Variants in ARMH3 observed in about 807,000 individuals in gnomAD.
The protein encoded by ARMH3 is armadillo like helical domain containing 3, also known as armadillo-like helical domain-containing protein 3.
ARMH3 carries 60 observed loss-of-function variants against 99.1 expected under a neutral mutation model. The ratio of observed to expected loss-of-function variants is 0.61; its 90% confidence interval spans 0.49 to 0.75. The LOEUF is 0.75. Among genes scored for constraint, ARMH3 ranks in the 30% least tolerant of loss-of-function variants. The probability of loss-of-function intolerance (pLI) is 0.00; values close to 1 mark genes in which losing one functional copy is unlikely to be tolerated. For missense variants in ARMH3, 679 were observed against 843.1 expected (o/e 0.81, Z 2.41); for synonymous variants, 285 against 292.8 (o/e 0.97, Z 0.27).
intron 8 of ARMH3, 99 bp downstream of exon 8, chr10:102,023,378 A>G: frequency 9.4e-7 from 1 of 1,067,506 alleles, no homozygotes; most frequent in Non-Finnish European, 1.4e-6. Context: ...TATACCATTT[A>G]CCAAGAACGT....
chr10:101,944,273 T>TATATATATATAGAGAGAG (rs1844401380), intron 22 of ARMH3, among the ~76,000 whole-genome samples: 1 of 25,408 alleles, frequency 3.9e-5, no homozygotes, highest in African/African-American at 1.8e-4. Context: ...TATATATATA[T>TATATATATATAGAGAGAG]AGAGAGAGAG....
At chr10:102,014,309 G>A (rs918943128) in intron 8 of ARMH3, among the ~76,000 whole-genome samples, 9 of 152,068 alleles carry the variant, frequency 5.9e-5, no homozygotes, top group African/African-American at 1.9e-4. Context: ...TCACTTCTAC[G>A]ATCTTTCCCT....
intron 2 of ARMH3, among the ~76,000 whole-genome samples, chr10:102,039,537 T>A (rs977613562): frequency 6.6e-6 from 1 of 152,140 alleles, no homozygotes; most frequent in Non-Finnish European, 1.5e-5. Context: ...TCCTCAGTTA[T>A]CCCCTATAGT....
chr10:101,878,641 G>GA (rs917765235), intron 24 of ARMH3, among the ~76,000 whole-genome samples: 37 of 140,850 alleles, frequency 2.6e-4, no homozygotes, highest in Middle Eastern at 3.7e-3. Flanking sequence ...TGCATCTCAA[G>GA]AAAAAAAAAC....
intron 24 of ARMH3, among the ~76,000 whole-genome samples, chr10:101,865,869 C>T (rs552571070): frequency 7.2e-5 from 11 of 152,144 alleles, no homozygotes; most frequent in South Asian, 2.1e-4. Flanking sequence ...TGCCCTGTGA[C>T]GCTAATCATC....
intron 24 of ARMH3, among the ~76,000 whole-genome samples, chr10:101,865,296 TAG>T (rs576470400): frequency 5.3e-4 from 80 of 151,560 alleles, no homozygotes; most frequent in African/African-American, 1.6e-3. Context: ...AAGATATACA[TAG>T]AGAGTATTTT....
chr10:101,887,970 G>A (rs1240795732), intron 24 of ARMH3, among the ~76,000 whole-genome samples: 2 of 151,648 alleles, frequency 1.3e-5, no homozygotes, highest in Non-Finnish European at 2.9e-5. Context: ...ATTGGTCTGT[G>A]GCAGCTACTG....
At chr10:101,909,328 G>A (rs1233744255) in intron 23 of ARMH3, among the ~76,000 whole-genome samples, 2 of 151,354 alleles carry the variant, frequency 1.3e-5, no homozygotes, top group African/African-American at 4.9e-5. Context: ...GACTGCTTGA[G>A]CCTGGGAGGC....
intron 8 of ARMH3, among the ~76,000 whole-genome samples, chr10:102,022,277 A>G (rs2066902106): frequency 6.6e-6 from 1 of 151,890 alleles, no homozygotes; most frequent in South Asian, 2.1e-4. Context: ...GTGGTTCTCA[A>G]TCCTGGGCTA....
rs144136172 is a variant in ARMH3 at position 101,864,155 on chromosome 10, T to C, written c.1861-14263A>G. Among the ~76,000 whole-genome samples the C allele has an allele frequency of 4.7e-4, 70 of 149,204 alleles. 2 individuals are homozygous for C. In the East Asian group the frequency reaches 0.012, roughly 25 times the overall value. On this transcript the variant is annotated intron_variant, in intron 24 of 25. Coordinates refer to ENST00000370033, the MANE Select transcript of ARMH3 (RefSeq NM_024541.3). ...AAGACACATGAAAAAATGCTCATCA[T>C]CAGTGGCCATCAGAGAAATGCAAAT...
chr10:101,922,169 A>T (rs962112392), intron 23 of ARMH3, among the ~76,000 whole-genome samples: 2 of 152,234 alleles, frequency 1.3e-5, no homozygotes, highest in South Asian at 2.1e-4. Flanking sequence ...TAAGATTTTT[A>T]AATTTTACCA....
intron 8 of ARMH3, among the ~76,000 whole-genome samples, chr10:102,022,917 G>A (rs1179517127): frequency 2.6e-5 from 4 of 151,424 alleles, no homozygotes; most frequent in Non-Finnish European, 4.4e-5. Context: ...GGCCAGGTGC[G>A]GTGGCTCATG....
intron 13 of ARMH3, among the ~76,000 whole-genome samples, chr10:102,007,173 A>G (rs912981018): frequency 6.7e-5 from 10 of 149,640 alleles, no homozygotes; most frequent in African/African-American, 2.2e-4. Context: ...AAAAAAAAAA[A>G]AAAAAGAAAA....
At chr10:102,047,005 G>A (rs2067570680) in intron 1 of ARMH3, among the ~76,000 whole-genome samples, 1 of 152,204 alleles carries the variant, frequency 6.6e-6, no homozygotes, top group Non-Finnish European at 1.5e-5. Flanking sequence ...ACATCTGTCT[G>A]TAAATGTAGG....
intron 15 of ARMH3, among the ~76,000 whole-genome samples, chr10:102,000,871 C>T (rs1359189861): frequency 6.6e-6 from 1 of 151,762 alleles, no homozygotes; most frequent in African/African-American, 2.4e-5. Flanking sequence ...AGCTGGGGTA[C>T]AGTGGCGCGA....
At chr10:102,026,933 C>T (rs1056230266) in intron 5 of ARMH3, among the ~76,000 whole-genome samples, 2 of 152,178 alleles carry the variant, frequency 1.3e-5, no homozygotes, top group African/African-American at 2.4e-5. Flanking sequence ...CTCTTGTATC[C>T]TCAGTGCCTA....
chr10:101,971,537 T>A (rs941603767), intron 20 of ARMH3, among the ~76,000 whole-genome samples: 5 of 151,912 alleles, frequency 3.3e-5, no homozygotes, highest in African/African-American at 1.2e-4. Context: ...GGCAACAGAG[T>A]GAGACTCTTT....
At position 101,883,193 on chromosome 10, in the gene ARMH3, T is replaced by C. The variant is rs1156282628; in HGVS notation, c.1860+6219A>G. Reference sequence around the variant, plus strand: ...ACTTTGGGAGGACAAGATGGGAGGATCACTTTAGGCCAAGAGTGTGAGACC... The same window carrying C: ...ACTTTGGGAGGACAAGATGGGAGGACCACTTTAGGCCAAGAGTGTGAGACC... On this transcript the variant is annotated intron_variant, in intron 24 of 25. Transcript: ENST00000370033. Among the ~76,000 whole-genome samples the C allele has an allele frequency of 2.0e-5, 3 of 152,078 alleles. No individual in the cohort carries two copies. In the South Asian group the frequency reaches 6.2e-4, roughly 32 times the overall value.
chr10:102,035,284 G>C (rs1447311260), intron 2 of ARMH3, among the ~76,000 whole-genome samples: 1 of 152,180 alleles, frequency 6.6e-6, no homozygotes, highest in African/African-American at 2.4e-5. Flanking sequence ...AGAATGGCTT[G>C]AACCCGGGAG....
Sources: gnomAD v4.1 joint callset for allele counts (sites outside exome capture counted in the v4.1 genomes callset) on GRCh38, gnomAD v4.1.1 for gene constraint, MANE v1.5 for transcripts, NCBI Gene and HGNC (gene_info 2026-07-23, HGNC 2026-07-21) for gene names.